Variants in SRGAP3 observed in about 807,000 individuals in gnomAD.
SRGAP3 encodes the protein SLIT-ROBO Rho GTPase-activating protein 3.
SRGAP3 carries 39 observed loss-of-function variants against 121.1 expected under a neutral mutation model. The observed-to-expected ratio is 0.32, with a 90% CI of 0.25 to 0.42. The LOEUF is 0.42. SRGAP3 is among the 10% of genes least tolerant of loss of function. The pLI is 1.00. For missense variants in SRGAP3, 1,213 were observed against 1,470.6 expected, an observed-to-expected ratio of 0.82 and a Z score of 2.86; for synonymous variants, 601 against 570.0, an observed-to-expected ratio of 1.05 and a Z score of -0.77.
intron 1 of SRGAP3, chr3:9,349,156 G>A: frequency 2.6e-6 from 2 of 757,810 alleles, no homozygotes; most frequent in South Asian, 2.7e-5. Flanking sequence ...GTAAAGCCAT[G>A]GAAGCTGTGG....
At chr3:9,168,579 G>A (rs1431868155) in intron 1 of SRGAP3, among the ~76,000 whole-genome samples, 1 of 152,202 alleles carries the variant, frequency 6.6e-6, no homozygotes, top group African/African-American at 2.4e-5. Context: ...AAGCCCAAAG[G>A]TGGCAGAATG....
intron 3 of SRGAP3, among the ~76,000 whole-genome samples, chr3:9,260,272 G>A (rs1954226829): frequency 1.3e-5 from 2 of 152,108 alleles, no homozygotes; most frequent in South Asian, 2.1e-4. Context: ...TCGTACCCCA[G>A]TGGTGCCTGG....
intron 1 of SRGAP3, among the ~76,000 whole-genome samples, chr3:9,222,223 T>C (rs1010410554): frequency 6.6e-6 from 1 of 152,306 alleles, no homozygotes; most frequent in African/African-American, 2.4e-5. Flanking sequence ...CTGGGAGCAA[T>C]GGGCAACCAC....
chr3:9,057,440 A>C (rs1206692080), intron 7 of SRGAP3, among the ~76,000 whole-genome samples: 1 of 152,176 alleles, frequency 6.6e-6, no homozygotes, highest in Non-Finnish European at 1.5e-5. Context: ...GATCGGGAGG[A>C]CTGAGAGGGA....
intron 1 of SRGAP3, among the ~76,000 whole-genome samples, chr3:9,206,999 A>C (rs1385212593): frequency 6.6e-6 from 1 of 152,192 alleles, no homozygotes; most frequent in Non-Finnish European, 1.5e-5. Flanking sequence ...TGCTGAATGA[A>C]TGACTCAATG....
At chr3:9,207,750 T>C (rs1952313028) in intron 1 of SRGAP3, among the ~76,000 whole-genome samples, 1 of 152,128 alleles carries the variant, frequency 6.6e-6, no homozygotes, top group African/African-American at 2.4e-5. Context: ...TGATCTTGGG[T>C]GAGGCAGCTC....
intron 1 of SRGAP3, among the ~76,000 whole-genome samples, chr3:9,350,358 G>A (rs1412939143): frequency 6.6e-6 from 1 of 152,158 alleles, no homozygotes; most frequent in African/African-American, 2.4e-5. Context: ...AAAGAGATAG[G>A]AAAGGCAAGG....
intron 1 of SRGAP3, among the ~76,000 whole-genome samples, chr3:9,209,022 A>C (rs558449716): frequency 3.3e-5 from 5 of 152,350 alleles, no homozygotes; most frequent in African/African-American, 1.2e-4. Flanking sequence ...TAGGACACAA[A>C]AATGACTAAA....
intron 3 of SRGAP3, among the ~76,000 whole-genome samples, chr3:9,264,348 A>G (rs1341175819): frequency 6.6e-6 from 1 of 152,202 alleles, no homozygotes; most frequent in Non-Finnish European, 1.5e-5. Flanking sequence ...CCTATTAAAC[A>G]TAGTATTGGA....
chr3:9,299,596 C>T (rs1266175315), intron 3 of SRGAP3, among the ~76,000 whole-genome samples: 1 of 152,098 alleles, frequency 6.6e-6, no homozygotes, highest in Non-Finnish European at 1.5e-5. Flanking sequence ...AAACACTGAT[C>T]ATGTTGCTGC....
chr3:9,205,122 C>A (rs1009597986), intron 1 of SRGAP3, among the ~76,000 whole-genome samples: 2 of 152,130 alleles, frequency 1.3e-5, no homozygotes, highest in South Asian at 2.1e-4. Context: ...TTCGAAAATG[C>A]GCAGTGAACA....
Position 9,332,879 on chromosome 3 carries a change from C to T in SRGAP3, n.215-2283G>A, listed in dbSNP as rs903315894. On this transcript the variant is annotated intron_variant and non_coding_transcript_variant, in intron 1 of 3. Coordinates refer to the SRGAP3 transcript ENST00000490889. ...CAAGGAGAATATGACAATTTGTTCC[C>T]GTAGCTGTCACTTTTATTCAGACTC... 2.6e-5 allele frequency among the ~76,000 whole-genome samples: 4 copies of T among 152,242 alleles called. No homozygotes were observed. In the South Asian group the frequency reaches 6.2e-4, roughly 24 times the overall value.
At chr3:9,228,320 TA>T (rs749989007) in intron 1 of SRGAP3, among the ~76,000 whole-genome samples, 4 of 152,180 alleles carry the variant, frequency 2.6e-5, no homozygotes, top group Non-Finnish European at 4.4e-5. Context: ...AATTTGCTTT[TA>T]AAAAGTCAGA....
intron 2 of SRGAP3, among the ~76,000 whole-genome samples, chr3:9,121,604 G>A (rs6443223): frequency 3.3e-5 from 5 of 152,120 alleles, no homozygotes; most frequent in East Asian, 1.9e-4. Context: ...CTGCATGGCC[G>A]GGCTGCCAGC....
At chr3:9,300,641 A>G (rs781529865) in intron 3 of SRGAP3, among the ~76,000 whole-genome samples, 1 of 152,184 alleles carries the variant, frequency 6.6e-6, no homozygotes, top group Non-Finnish European at 1.5e-5. Context: ...AGGAGGAAGG[A>G]GTCTGCTTTT....
chr3:9,166,108 C>T (rs917755571), intron 1 of SRGAP3, among the ~76,000 whole-genome samples: 1 of 152,168 alleles, frequency 6.6e-6, no homozygotes, highest in African/African-American at 2.4e-5. Flanking sequence ...CACCACCATT[C>T]CCATCACAGC....
chr3:9,272,437 A>C (rs1048996095), intron 3 of SRGAP3, among the ~76,000 whole-genome samples: 11 of 152,092 alleles, frequency 7.2e-5, no homozygotes, highest in African/African-American at 2.7e-4. Context: ...GGTAGCCTCC[A>C]TTCTACTTTC....
Position 9,109,070 on chromosome 3 carries a change from A to C in SRGAP3, c.261-4228T>G, listed in dbSNP as rs894577344. On this transcript the variant is annotated intron_variant, in intron 2 of 21. Coordinates refer to ENST00000383836, the MANE Select transcript of SRGAP3 (RefSeq NM_014850.4). The surrounding 1 kb of genome is among the most constrained non-coding windows in gnomAD (Gnocchi z 4.4). ...AAAATGCATTGCTTATCTCATTTTC[A>C]CTGCTTCCTAGGTGGTGATGGAAAT... Among the ~76,000 whole-genome samples the C allele has an allele frequency of 2.0e-5, 3 of 152,200 alleles. No individual in the cohort carries two copies. The highest frequency in any genetic ancestry group is 4.4e-5 in the Non-Finnish European group (3 of 68,024).
At chr3:9,294,562 C>A (rs1310030403) in intron 3 of SRGAP3, among the ~76,000 whole-genome samples, 1 of 150,780 alleles carries the variant, frequency 6.6e-6, no homozygotes, top group Non-Finnish European at 1.5e-5. Flanking sequence ...AAAAAAAACA[C>A]CAATTCTTGC....
Sources: gnomAD v4.1 joint callset for allele counts (sites outside exome capture counted in the v4.1 genomes callset) on GRCh38, gnomAD v4.1.1 for gene constraint, Gnocchi (gnomAD v3.1) non-coding constraint, MANE v1.5 for transcripts, NCBI Gene and HGNC (gene_info 2026-07-23, HGNC 2026-07-21) for gene names.